The following SYMPK variants were observed in gnomAD, a reference collection of about 807,000 sequenced individuals.
SYMPK encodes symplekin.
A neutral mutation model predicts 136.4 loss-of-function variants in SYMPK; 49 were observed. The observed-to-expected ratio is 0.36, with a 90% confidence interval of 0.29 to 0.46. The LOEUF is 0.46. Among genes scored for constraint, SYMPK ranks in the 20% least tolerant of loss-of-function variants. SYMPK has a pLI of 1.00. For missense variants in SYMPK, 1,365 were observed against 1,690.0 expected, an observed-to-expected ratio of 0.81 and a Z score of 3.37; for synonymous variants, 766 against 713.0, an observed-to-expected ratio of 1.07 and a Z score of -1.19.
At chr19:45,828,190 G>A in intron 14 of SYMPK, 9 of 404,298 alleles carry the variant, frequency 2.2e-5, no homozygotes, top group Non-Finnish European at 3.2e-5. Flanking sequence ...AGAACGGGAG[G>A]GAATGATGGC....
chr19:45,859,737 T>G (rs1971916487), intron 1 of SYMPK, among the ~76,000 whole-genome samples: 1 of 152,038 alleles, frequency 6.6e-6, no homozygotes, highest in South Asian at 2.1e-4. Context: ...AGGACTAGCC[T>G]AGGCCTAAAA....
Position 45,821,822 on chromosome 19 carries a change from C to T in SYMPK, c.2792-337G>A, listed in dbSNP as rs1970906863. ...GTGTGGTCCCCAACACAGACTCCAC[C>T]GCGGCACAGGGGGTCATGGGCATTT... On this transcript the variant is annotated intron_variant, in intron 21 of 26. Transcript: ENST00000245934. The surrounding 1 kb of genome is among the most constrained non-coding windows in gnomAD (Gnocchi z 4.4). Among the ~76,000 whole-genome samples, 2 of 152,258 alleles carry T rather than the reference C, an allele frequency of 1.3e-5. No homozygotes were observed. Among genetic ancestry groups the T allele is most frequent in the Admixed American group, 6.5e-5 (1 of 15,286 alleles).
intron 10 of SYMPK, among the ~76,000 whole-genome samples, chr19:45,837,689 C>T (rs1600512939): frequency 1.4e-5 from 2 of 147,394 alleles, no homozygotes; most frequent in East Asian, 2.0e-4. Flanking sequence ...GCAAGTGGAA[C>T]TTAAATTTTA....
chr19:45,842,774 C>T, intron 8 of SYMPK: 1 of 409,212 alleles, frequency 2.4e-6, no homozygotes, highest in Non-Finnish European at 4.4e-6. Flanking sequence ...TTCACATATG[C>T]TTCGCTTGGG....
chr19:45,847,013 C>T (rs1446345070), intron 7 of SYMPK, among the ~76,000 whole-genome samples: 3 of 151,854 alleles, frequency 2.0e-5, no homozygotes, highest in Admixed American at 6.6e-5. Flanking sequence ...AGGGTGGTCT[C>T]GAACTCCTGA....
chr19:45,816,763 G>C (rs946490342), intron 24 of SYMPK, 35 bp downstream of exon 24: 4 of 1,497,524 alleles, frequency 2.7e-6, no homozygotes, highest in African/African-American at 2.8e-5. Context: ...CACCCTGGGT[G>C]GGGGGAAAGG....
chr19:45,829,406 G>C (rs372265684), intron 13 of SYMPK, among the ~76,000 whole-genome samples: 2 of 152,044 alleles, frequency 1.3e-5, no homozygotes, highest in African/African-American at 4.8e-5. Context: ...GGTGGGGATC[G>C]ATCATCACAG....
chr19:45,861,362 C>T (rs937044335), intron 1 of SYMPK, among the ~76,000 whole-genome samples: 3 of 151,886 alleles, frequency 2.0e-5, no homozygotes, highest in Non-Finnish European at 4.4e-5. Flanking sequence ...AATTCTCCTG[C>T]AGGAGCTAGA....
chr19:45,847,471 C>T (rs1168749758), intron 7 of SYMPK, among the ~76,000 whole-genome samples: 1 of 151,850 alleles, frequency 6.6e-6, no homozygotes, highest in African/African-American at 2.4e-5. Context: ...TCGACTGGCT[C>T]ACACTCATGG....
rs950993337 is a variant in SYMPK, at chr19:45,821,686, A to C, written c.2792-201T>G. 1.3e-5 allele frequency among the ~76,000 whole-genome samples: 2 copies of C among 152,204 alleles called. No homozygotes were observed. Among genetic ancestry groups the C allele is most frequent in the Non-Finnish European group, 2.9e-5 (2 of 68,034 alleles). On this transcript the variant is annotated intron_variant, in intron 21 of 26. Coordinates refer to ENST00000245934, the MANE Select transcript of SYMPK (RefSeq NM_004819.3). This position sits in a 1 kb window ranked among gnomAD's most constrained non-coding sequence, Gnocchi z 4.4. ...AGCCCTCAGGCAGCGTGAGGTTGCC[A>C]CTGTGTGCTCCTCCCCATCCTGGGC...
At chr19:45,857,713 G>A (rs533941504) in intron 1 of SYMPK, among the ~76,000 whole-genome samples, 9 of 151,492 alleles carry the variant, frequency 5.9e-5, no homozygotes, top group Middle Eastern at 3.4e-3. Flanking sequence ...GGATGGTCTC[G>A]ATCTCCTGAC....
chr19:45,858,659 G>T (rs973084018), intron 1 of SYMPK, among the ~76,000 whole-genome samples: 2 of 152,126 alleles, frequency 1.3e-5, no homozygotes, highest in Non-Finnish European at 2.9e-5. Context: ...GGGATTACAG[G>T]CATGTGCCAC....
chr19:45,854,102 G>T (rs1568626280), intron 3 of SYMPK, 73 bp downstream of exon 3: 2 of 1,407,700 alleles, frequency 1.4e-6, no homozygotes, highest in South Asian at 2.3e-5. Context: ...TGGTGTTACT[G>T]CAAGTGTCTT....
In SYMPK at chr19:45,854,673, C is replaced by T. The variant is rs1442280439; in HGVS notation, c.-12-166G>A. 4 of 613,418 alleles carry T rather than the reference C, an allele frequency of 6.5e-6. No homozygotes were observed. In the East Asian group the frequency reaches 1.1e-4, roughly 17 times the overall value. The allele number at this position is 613,418 out of a possible 1,614,324, so 38.0% of individuals were successfully genotyped here. On this transcript the variant is annotated intron_variant, in intron 1 of 26. Coordinates refer to ENST00000245934, the MANE Select transcript of SYMPK (RefSeq NM_004819.3). ...TCTCCCCTCCAGGGTCTGTCTCTGG[C>T]TTATGGATATGTGCACGGGGCCTGT...
Position 45,848,866 on chromosome 19 carries a change from T to C in SYMPK, c.310A>G (p.Ile104Val). The change falls in exon 6 of 27, where the codon ATT becomes GTT. Residue 104 changes from isoleucine to valine, a missense_variant. Physicochemically the swap from Ile to Val is conservative, Grantham distance 29. Transcript: ENST00000245934. ...GCAATGAGTTTCAGCAGCAACTCAA[T>C]GTCTCGCTTGCTGAGGGATGGAGAA... ...GFIEEACKRDIELLLKLIANL... is the reference protein window; with the variant it reads ...GFIEEACKRDVELLLKLIANL... 1 of 1,613,976 alleles carries C rather than the reference T, an allele frequency of 6.2e-7. No individual in the cohort carries two copies.
chr19:45,838,445 C>T lies in SYMPK; in HGVS notation c.1242+16G>A, dbSNP rs1469172219. On this transcript the variant is annotated intron_variant, in intron 10 of 26. Coordinates refer to ENST00000245934, the MANE Select transcript of SYMPK (RefSeq NM_004819.3). ...CCTTCCTGCCCAGGGGGAAAACGCT[C>T]CCCACCCATCCTCACCAGATTAGCC... The T allele has an allele frequency of 1.2e-6, 2 of 1,605,036 alleles. No homozygotes were observed. Among genetic ancestry groups the T allele is most frequent in the Non-Finnish European group, 1.7e-6 (2 of 1,173,010 alleles).
At chr19:45,850,161 A>T (rs1971665179) in intron 5 of SYMPK, among the ~76,000 whole-genome samples, 1 of 152,078 alleles carries the variant, frequency 6.6e-6, no homozygotes, top group African/African-American at 2.4e-5. Context: ...GAGGACAATC[A>T]CTTGACTCAG....
chr19:45,835,043 A>T (rs1184293059), intron 11 of SYMPK, 35 bp downstream of exon 11: 2 of 1,479,058 alleles, frequency 1.4e-6, no homozygotes, highest in South Asian at 2.9e-5. Context: ...ACAAGTGCCA[A>T]TCCCTGGCCC....
chr19:45,841,183 C>T (rs561070379), intron 9 of SYMPK, among the ~76,000 whole-genome samples: 1 of 152,132 alleles, frequency 6.6e-6, no homozygotes, highest in African/African-American at 2.4e-5. Context: ...AGGGTTTCAC[C>T]ATGTTAGCCA....
Sources: allele counts gnomAD v4.1 joint callset (sites outside exome capture counted in the v4.1 genomes callset), GRCh38; gene constraint gnomAD v4.1.1; non-coding constraint Gnocchi (gnomAD v3.1); transcripts MANE v1.5; gene names NCBI Gene and HGNC (gene_info 2026-07-23, HGNC 2026-07-21).